FBXO42: variants seen among roughly 807,000 people sequenced by gnomAD.
FBXO42 encodes F-box protein 42.
A neutral mutation model predicts 71.7 loss-of-function variants in FBXO42; 12 were observed. The observed-to-expected ratio is 0.17, with a 90% confidence interval of 0.11 to 0.27. The LOEUF is 0.27. Ranked by LOEUF, FBXO42 falls within the 10% of genes least tolerant of loss-of-function variation. The pLI is 1.00. For missense variants in FBXO42, 707 were observed against 911.9 expected (o/e 0.78, Z 2.89); for synonymous variants, 325 against 327.5 (o/e 0.99, Z 0.08).
At chr1:16,276,875 A>G (rs2081909973) in intron 4 of FBXO42, among the ~76,000 whole-genome samples, 1 of 152,222 alleles carries the variant, frequency 6.6e-6, no homozygotes, top group Admixed American at 6.5e-5. Flanking sequence ...ATTCTAAGAA[A>G]TGTCACTGCT....
At chr1:16,335,540 T>C (rs750467208) in intron 1 of FBXO42, among the ~76,000 whole-genome samples, 3 of 152,082 alleles carry the variant, frequency 2.0e-5, no homozygotes, top group Non-Finnish European at 4.4e-5. Context: ...TTCGCTGTAG[T>C]ATTAAACTTC....
intron 1 of FBXO42, among the ~76,000 whole-genome samples, chr1:16,321,778 G>C (rs1384628984): frequency 6.6e-6 from 1 of 151,284 alleles, no homozygotes; most frequent in Non-Finnish European, 1.5e-5. Context: ...CTGCAGCCTT[G>C]AACTCCTAGG....
intron 1 of FBXO42, among the ~76,000 whole-genome samples, chr1:16,319,163 G>A (rs571014079): frequency 2.6e-4 from 40 of 152,274 alleles, no homozygotes; most frequent in African/African-American, 9.4e-4. Context: ...GGGGGGTGGG[G>A]AAGGAAACGA....
At chr1:16,274,993 T>C (rs1203829014) in intron 4 of FBXO42, among the ~76,000 whole-genome samples, 1 of 152,220 alleles carries the variant, frequency 6.6e-6, no homozygotes, top group Non-Finnish European at 1.5e-5. Context: ...TGTCACATGG[T>C]ACCACCAACT....
At chr1:16,316,768 C>T (rs1249257071) in intron 1 of FBXO42, among the ~76,000 whole-genome samples, 1 of 147,784 alleles carries the variant, frequency 6.8e-6, no homozygotes, top group African/African-American at 2.5e-5. Context: ...AGTAAATGTT[C>T]CAAGAATAGA....
chr1:16,329,838 A>T (rs2082481820), intron 1 of FBXO42, among the ~76,000 whole-genome samples: 1 of 151,526 alleles, frequency 6.6e-6, no homozygotes, highest in Admixed American at 6.6e-5. Context: ...AAGCCCAGCT[A>T]CTCGGGAGGC....
chr1:16,269,780 C>A (rs139799146), intron 4 of FBXO42, among the ~76,000 whole-genome samples: 46 of 152,282 alleles, frequency 3.0e-4, no homozygotes, highest in Middle Eastern at 3.4e-3. Context: ...CTACCTCGGC[C>A]TCCCAAAGTG....
intron 4 of FBXO42, among the ~76,000 whole-genome samples, chr1:16,279,287 C>T (rs1160101232): frequency 6.6e-6 from 1 of 152,114 alleles, no homozygotes; most frequent in East Asian, 1.9e-4. Flanking sequence ...AAAATTATTT[C>T]CAACGGAGCT....
intron 1 of FBXO42, among the ~76,000 whole-genome samples, chr1:16,322,785 A>G (rs2082418911): frequency 6.6e-6 from 1 of 152,188 alleles, no homozygotes; most frequent in Non-Finnish European, 1.5e-5. Flanking sequence ...AACCTCCCTA[A>G]GTAATGAAAG....
intron 1 of FBXO42, among the ~76,000 whole-genome samples, chr1:16,315,897 A>C (rs1242905678): frequency 6.6e-6 from 1 of 152,244 alleles, no homozygotes; most frequent in African/African-American, 2.4e-5. Flanking sequence ...TCGACCAGGC[A>C]TGGTGGCTCA....
chr1:16,317,626 C>G (rs995172540), intron 1 of FBXO42, among the ~76,000 whole-genome samples: 12 of 148,866 alleles, frequency 8.1e-5, no homozygotes, highest in African/African-American at 3.0e-4. Flanking sequence ...AACAAACAAA[C>G]AGAAGACAGA....
intron 3 of FBXO42, among the ~76,000 whole-genome samples, chr1:16,303,660 C>T (rs370306288): frequency 1.3e-5 from 2 of 151,848 alleles, no homozygotes; most frequent in African/African-American, 4.8e-5. Context: ...CTCCGCCTCC[C>T]GGGTTCAAGT....
chr1:16,255,605 G>C lies in FBXO42; in HGVS notation c.767+106C>G, dbSNP rs935391465. On this transcript the variant is annotated intron_variant, in intron 6 of 9. Coordinates refer to ENST00000375592, the MANE Select transcript of FBXO42 (RefSeq NM_018994.3). ...CCACCTTGGCCTCCCAAAATGCTGG[G>C]ATTACAGGTGTGAATTAGGCACCTG... 2.8e-5 allele frequency: 25 copies of C among 906,518 alleles called. No homozygotes were observed. The African/African-American group carries it at 3.8e-4, about 14-fold the overall frequency. 56.2% of individuals were successfully genotyped at this position (906,518 alleles called of 1,614,324 possible). A position where few individuals can be genotyped will look rare whatever the true frequency, so the allele number is the denominator to read the frequency against.
At chr1:16,281,376 A>C (rs11590217) in intron 4 of FBXO42, among the ~76,000 whole-genome samples, 53,052 of 151,526 alleles carry the variant, frequency 0.35, 9,719 homozygotes, top group African/African-American at 0.41. Flanking sequence ...ATCCCTAACA[A>C]CCTCTCAAGG....
chr1:16,318,365 C>T (rs1431918160), intron 1 of FBXO42, among the ~76,000 whole-genome samples: 3 of 152,146 alleles, frequency 2.0e-5, no homozygotes, highest in African/African-American at 7.2e-5. Context: ...TTGCAGTGAG[C>T]TGAGGTCGCT....
chr1:16,288,667 A>G (rs968768055), intron 4 of FBXO42, among the ~76,000 whole-genome samples: 4 of 151,986 alleles, frequency 2.6e-5, no homozygotes, highest in African/African-American at 9.7e-5. Flanking sequence ...TAATTCATTA[A>G]GAAGTCTTGG....
intron 3 of FBXO42, among the ~76,000 whole-genome samples, chr1:16,298,800 G>A (rs748231247): frequency 3.9e-5 from 6 of 152,006 alleles, no homozygotes; most frequent in African/African-American, 9.7e-5. Context: ...GTGAGCCACC[G>A]CGCCCGGCCA....
At chr1:16,349,661 G>C (rs2082681763) in intron 1 of FBXO42, among the ~76,000 whole-genome samples, 2 of 152,202 alleles carry the variant, frequency 1.3e-5, no homozygotes, top group Admixed American at 6.5e-5. Flanking sequence ...AGGAGTTCAA[G>C]ACCAGCCTGG....
At chr1:16,305,647 G>A (rs1423818196) in intron 3 of FBXO42, among the ~76,000 whole-genome samples, 156 bp downstream of exon 3, 1 of 152,210 alleles carries the variant, frequency 6.6e-6, no homozygotes, top group Non-Finnish European at 1.5e-5. Flanking sequence ...TGGGGAGGTG[G>A]AGGCTGTAGT....
Sources: allele counts gnomAD v4.1 joint callset (sites outside exome capture counted in the v4.1 genomes callset), GRCh38; gene constraint gnomAD v4.1.1; transcripts MANE v1.5; gene names NCBI Gene and HGNC (gene_info 2026-07-23, HGNC 2026-07-21).